TSPAN1: variants seen among roughly 807,000 people sequenced by gnomAD.
TSPAN1 encodes the protein tetraspanin-1.
TSPAN1 carries 23 observed loss-of-function variants against 26.9 expected under a neutral mutation model. That is an observed-to-expected ratio of 0.85 (90% confidence interval 0.62 to 1.21). The LOEUF (loss-of-function observed/expected upper bound fraction) is 1.21, where lower values mean the gene tolerates loss of function less well. TSPAN1 is among the 50% of genes most tolerant of loss of function. The pLI is 0.00. For missense variants in TSPAN1, 283 were observed against 298.4 expected (o/e 0.95, Z 0.38); for synonymous variants, 115 against 114.8 (o/e 1.00, Z -0.01).
intron 1 of TSPAN1, among the ~76,000 whole-genome samples, chr1:46,179,810 T>C (rs1657267658): frequency 6.7e-6 from 1 of 149,818 alleles, no homozygotes; most frequent in Non-Finnish European, 1.5e-5. Flanking sequence ...GGAGAGGAGA[T>C]GGAAAGATGA....
intron 7 of TSPAN1, 21 bp downstream of exon 7, chr1:46,185,136 G>A: frequency 6.2e-7 from 1 of 1,614,240 alleles, no homozygotes; most frequent in Non-Finnish European, 8.5e-7. Context: ...GCATGAGTGG[G>A]TGGGGACTGT....
the TSPAN1 span, chr1:46,192,228 C>T: frequency 6.2e-7 from 1 of 1,614,204 alleles, no homozygotes; most frequent in South Asian, 1.1e-5. Flanking sequence ...CCAGAGCTGG[C>T]AGACATGGAC....
chr1:46,193,702 T>C, the TSPAN1 span: 5 of 1,610,598 alleles, frequency 3.1e-6, no homozygotes, highest in Non-Finnish European at 3.4e-6. Context: ...TCCCCTGTGT[T>C]TACAGCTGGG....
chr1:46,189,070 GTAAA>G (rs1324502482), downstream of TSPAN1: 1 of 1,520,370 alleles, frequency 6.6e-7, no homozygotes, highest in Non-Finnish European at 8.8e-7. Flanking sequence ...CAACAAGGAA[GTAAA>G]TAAATAGACT....
downstream of TSPAN1, among the ~76,000 whole-genome samples, chr1:46,186,488 C>CTTTTTTT (rs751253861): frequency 7.7e-6 from 1 of 130,114 alleles, no homozygotes; most frequent in African/African-American, 2.9e-5. Flanking sequence ...CTTTTCTTTT[C>CTTTTTTT]TTTTTTTTTT....
chr1:46,187,587 CG>C (rs1268957723), downstream of TSPAN1, among the ~76,000 whole-genome samples: 1 of 152,120 alleles, frequency 6.6e-6, no homozygotes, highest in East Asian at 1.9e-4. Flanking sequence ...TGCTAGGGTG[CG>C]GGACAGGGGG....
downstream of TSPAN1, chr1:46,188,806 C>T (rs1159801427): frequency 6.2e-7 from 1 of 1,612,788 alleles, no homozygotes; most frequent in East Asian, 2.2e-5. Flanking sequence ...TCTGTGTCAG[C>T]ATGTGGGCCC....
chr1:46,178,312 G>T (rs963241983), intron 1 of TSPAN1, among the ~76,000 whole-genome samples: 8 of 151,330 alleles, frequency 5.3e-5, no homozygotes, highest in Non-Finnish European at 7.4e-5. Context: ...AGCCAAGATT[G>T]CGCCACTGCA....
intron 1 of TSPAN1, chr1:46,176,191 T>C: frequency 6.5e-7 from 1 of 1,533,148 alleles, no homozygotes; most frequent in Middle Eastern, 1.7e-4. Flanking sequence ...CTCTGTTTTT[T>C]AAAACCCCAC....
At chr1:46,177,619 C>G (rs1657212826) in intron 1 of TSPAN1, among the ~76,000 whole-genome samples, 1 of 152,070 alleles carries the variant, frequency 6.6e-6, no homozygotes, top group Non-Finnish European at 1.5e-5. Context: ...AATAGACCAC[C>G]AAAAAGCACA....
chr1:46,193,546 C>T, the TSPAN1 span: 2 of 1,614,138 alleles, frequency 1.2e-6, no homozygotes, highest in South Asian at 2.2e-5. Flanking sequence ...CCCGAGGCAC[C>T]CCCCAAGTCC....
At chr1:46,189,731 G>T (rs891927317), downstream of TSPAN1, 3 of 1,556,354 alleles carry the variant, frequency 1.9e-6, no homozygotes, top group Non-Finnish European at 1.7e-6. Context: ...TGGAAGAGGT[G>T]TTCTAAGAGT....
At position 46,185,743 on chromosome 1, in the gene TSPAN1, G is replaced by C. The variant is rs1176006091; in HGVS notation, c.*210G>C. On this transcript the variant is annotated 3_prime_UTR_variant, in exon 9 of 9. Coordinates refer to ENST00000372003, the MANE Select transcript of TSPAN1 (RefSeq NM_005727.4). ...TCCTTCCATTGGTGGGTGGATGGGTGGGGGGCATTCCAGAGCCTCTAAGGT... is the reference window on the plus strand; with the variant it reads ...TCCTTCCATTGGTGGGTGGATGGGTCGGGGGCATTCCAGAGCCTCTAAGGT... 4.9e-6 allele frequency: 3 copies of C among 618,388 alleles called. No individual in the cohort carries two copies. In the Admixed American group the frequency reaches 8.6e-5, roughly 18 times the overall value. The allele number at this position is 618,388 out of a possible 1,614,324, so 38.3% of individuals were successfully genotyped here.
At chr1:46,190,092 AAG>A, downstream of TSPAN1, 2 of 1,210,332 alleles carry the variant, frequency 1.7e-6, no homozygotes, top group Non-Finnish European at 2.3e-6. Context: ...TGCCACCTTG[AAG>A]TTCTTTTTTT....
Position 46,185,234 on chromosome 1 carries a change from A to C in TSPAN1, c.604A>C (p.Asn202His). 1 of 1,614,136 alleles carries C rather than the reference A, an allele frequency of 6.2e-7. No individual in the cohort carries two copies. Among genetic ancestry groups the C allele is most frequent in the Non-Finnish European group, 8.5e-7 (1 of 1,180,020 alleles). ...AHDQKVEGCF[N>H]QLLYDIRTNA... ...TTTTCTCTTCCTGAAGGGTTGCTTC[A>C]ATCAGCTTTTGTATGACATCCGAAC... is the stretch of plus-strand genomic sequence containing the variant. The change falls in exon 8 of 9, where the codon AAT becomes CAT. Residue 202 changes from asparagine (N) to histidine (H), a missense_variant. Transcript: ENST00000372003.
chr1:46,185,583 G>T lies in TSPAN1; in HGVS notation c.*50G>T. On this transcript the variant is annotated 3_prime_UTR_variant, in exon 9 of 9. Transcript: ENST00000372003. ...TGCTGCCACATGGGAACTGTGAAGA[G>T]GCACCCTGGCAAGCAGCAGTGATTG... The T allele has an allele frequency of 6.3e-7, 1 of 1,596,918 alleles. No individual in the cohort carries two copies. Among genetic ancestry groups the T allele is most frequent in the Non-Finnish European group, 8.6e-7 (1 of 1,165,384 alleles).
the TSPAN1 span, chr1:46,190,983 G>A: frequency 1.7e-6 from 1 of 585,504 alleles, no homozygotes; most frequent in Non-Finnish European, 3.2e-6. Flanking sequence ...CTCCACCATT[G>A]CTGGAGAGCT....
chr1:46,192,068 A>G, the TSPAN1 span: 1 of 1,604,060 alleles, frequency 6.2e-7, no homozygotes, highest in Non-Finnish European at 8.5e-7. Context: ...GTCATGCCAC[A>G]CTGTGCCCTG....
At chr1:46,192,188 T>A in the TSPAN1 span, 2 of 1,614,178 alleles carry the variant, frequency 1.2e-6, no homozygotes, top group Non-Finnish European at 1.7e-6. Flanking sequence ...CCCGGCGTTG[T>A]TCAGGCATCC....
Sources: allele counts gnomAD v4.1 joint callset (sites outside exome capture counted in the v4.1 genomes callset), GRCh38; gene constraint gnomAD v4.1.1; transcripts MANE v1.5; gene names NCBI Gene and HGNC (gene_info 2026-07-23, HGNC 2026-07-21).